SLC38A6: variants seen among roughly 807,000 people sequenced by gnomAD.
SLC38A6 encodes N system amino acid transporter NAT-1.
A neutral mutation model predicts 65.0 loss-of-function variants in SLC38A6; 73 were observed. The observed-to-expected ratio is 1.12, with a 90% CI of 0.93 to 1.37. The LOEUF is 1.37. Ranked by LOEUF, SLC38A6 falls within the 40% of genes most tolerant of loss-of-function variation. SLC38A6 has a pLI of 0.00. For synonymous variants in SLC38A6, 183 were observed against 178.8 expected (o/e 1.02, Z -0.19); for missense variants, 561 against 531.1 (o/e 1.06, Z -0.55).
rs556931021 is a variant in SLC38A6 at position 61,031,449 on chromosome 14, T to C, written c.482+926T>C. Among the ~76,000 whole-genome samples, 3 of 152,240 alleles carry C rather than the reference T, an allele frequency of 2.0e-5. No individual in the cohort carries two copies. The South Asian group carries it at 6.2e-4, about 32-fold the overall frequency. ...ACTTAGACAACTGCAAATACATATTTGTAAGAAAAGTGTGGTGTACTTTAG... is the reference window on the plus strand; with the variant it reads ...ACTTAGACAACTGCAAATACATATTCGTAAGAAAAGTGTGGTGTACTTTAG... On this transcript the variant is annotated intron_variant, in intron 6 of 15. Transcript: ENST00000267488.
chr14:61,075,872 TG>T, intron 15 of SLC38A6, among the ~76,000 whole-genome samples: 1 of 151,324 alleles, frequency 6.6e-6, no homozygotes, highest in South Asian at 2.1e-4. Context: ...CCTTTTTTTT[TG>T]AAACGGAGTT....
chr14:60,990,205 A>G (rs2037758019), intron 3 of SLC38A6, among the ~76,000 whole-genome samples: 1 of 152,090 alleles, frequency 6.6e-6, no homozygotes, highest in Non-Finnish European at 1.5e-5. Flanking sequence ...TAAGTTTTGT[A>G]TTTTTAGTAG....
chr14:61,051,913 A>T lies in SLC38A6; in HGVS notation c.1177A>T (p.Asn393Tyr). The T allele has an allele frequency of 6.2e-7, 1 of 1,610,668 alleles. No individual in the cohort carries two copies. The highest frequency in any genetic ancestry group is 1.1e-5 in the South Asian group (1 of 89,856). The stretch of plus-strand genomic sequence containing the variant: ...TGCAATATATGTTCCTGACATTAGA[A>T]ATGTATTTGGTGTAGTTGGTAAGTT... The part of the protein sequence containing the change: ...LLAIYVPDIR[N>Y]VFGVVGASTS... The change falls in exon 14 of 16, where the codon AAT becomes TAT. Residue 393 changes from asparagine to tyrosine, a missense_variant. Transcript: ENST00000267488.
intron 15 of SLC38A6, among the ~76,000 whole-genome samples, chr14:61,076,899 G>T (rs1001635209): frequency 3.9e-5 from 6 of 152,172 alleles, no homozygotes; most frequent in African/African-American, 1.4e-4. Context: ...AGAAAACTTG[G>T]ATGTCTTACG....
At chr14:61,039,456 C>T (rs1011621802) in intron 8 of SLC38A6, among the ~76,000 whole-genome samples, 5 of 151,720 alleles carry the variant, frequency 3.3e-5, no homozygotes, top group African/African-American at 1.2e-4. Flanking sequence ...CTGTGACTTA[C>T]ATCTCCTGGG....
At chr14:60,985,790 G>A (rs1382003705) in intron 3 of SLC38A6, among the ~76,000 whole-genome samples, 1 of 152,154 alleles carries the variant, frequency 6.6e-6, no homozygotes, top group African/African-American at 2.4e-5. Flanking sequence ...CTTATGAGGG[G>A]CTTTTCTGCT....
Position 61,037,150 on chromosome 14 carries a change from T to C in SLC38A6, c.565+9T>C, listed in dbSNP as rs1379273656. 2 of 1,564,286 alleles carry C rather than the reference T, an allele frequency of 1.3e-6. No homozygotes were observed. The highest frequency in any genetic ancestry group is 1.8e-5 in the Admixed American group (1 of 55,356). On this transcript the variant is annotated intron_variant, in intron 7 of 15. Coordinates refer to ENST00000267488, the MANE Select transcript of SLC38A6 (RefSeq NM_153811.3). Reference sequence around the variant, plus strand: ...ACTTCTTCCCAAAATAGGTAAGTCTTTATAGAGCACATTATTTGTTTAGAA... The same window carrying C: ...ACTTCTTCCCAAAATAGGTAAGTCTCTATAGAGCACATTATTTGTTTAGAA...
At position 61,014,454 on chromosome 14, in the gene SLC38A6, G is replaced by A. The variant is rs117716239; in HGVS notation, c.311-1450G>A. On this transcript the variant is annotated intron_variant, in intron 3 of 15. Transcript: ENST00000267488. ...AGCTGCTTTCCTTTGGAGGAACAGA[G>A]GTGCTCTGATTTTTAGAGTTTCCAG... Among the ~76,000 whole-genome samples the A allele has an allele frequency of 1.1e-4, 16 of 152,232 alleles. No individual in the cohort carries two copies. The East Asian group carries it at 2.9e-3, about 28-fold the overall frequency.
At chr14:61,004,299 T>A (rs771929660) in intron 3 of SLC38A6, 1 of 152,154 alleles carries the variant, frequency 6.6e-6, no homozygotes, top group Non-Finnish European at 1.5e-5. Flanking sequence ...CGGTTAGCCT[T>A]TTTGATGGGT....
intron 5 of SLC38A6, among the ~76,000 whole-genome samples, chr14:61,030,244 C>T (rs1169427860): frequency 1.4e-5 from 2 of 147,024 alleles, no homozygotes; most frequent in African/African-American, 5.1e-5. Flanking sequence ...AATTGTTATT[C>T]TTCTCTACAG....
intron 5 of SLC38A6, among the ~76,000 whole-genome samples, chr14:61,021,325 A>G (rs547601401): frequency 6.6e-6 from 1 of 152,204 alleles, no homozygotes; most frequent in East Asian, 1.9e-4. Context: ...CAGGTATTTG[A>G]AAGACTGAAC....
intron 15 of SLC38A6, among the ~76,000 whole-genome samples, chr14:61,067,980 A>G (rs2043086867): frequency 6.6e-6 from 1 of 152,160 alleles, no homozygotes; most frequent in Non-Finnish European, 1.5e-5. Flanking sequence ...CACCGCTATC[A>G]GTATTTCTCT....
chr14:61,041,349 A>G lies in SLC38A6; in HGVS notation c.625-1798A>G, dbSNP rs1246883319. On this transcript the variant is annotated intron_variant, in intron 8 of 15. Coordinates refer to ENST00000267488, the MANE Select transcript of SLC38A6 (RefSeq NM_153811.3). ...AGTTGGGATGGATCTTTGCAGAGAA[A>G]TTAGCTGTAGTAACTGAACTGTCTA... Among the ~76,000 whole-genome samples, 4 of 152,208 alleles carry G rather than the reference A, an allele frequency of 2.6e-5. No individual in the cohort carries two copies. The East Asian group carries it at 7.7e-4, about 29-fold the overall frequency.
At chr14:61,009,321 A>G (rs983942655) in intron 3 of SLC38A6, among the ~76,000 whole-genome samples, 3 of 152,180 alleles carry the variant, frequency 2.0e-5, no homozygotes, top group African/African-American at 4.8e-5. Flanking sequence ...AATTACATCA[A>G]TCTGCATGTT....
intron 15 of SLC38A6, among the ~76,000 whole-genome samples, chr14:61,077,203 A>G (rs757559903): frequency 2.0e-5 from 3 of 152,252 alleles, no homozygotes; most frequent in Non-Finnish European, 4.4e-5. Flanking sequence ...ATCAAAGACC[A>G]GTGAAAACTT....
chr14:60,982,499 TG>T lies in SLC38A6; in HGVS notation c.106-8del. On this transcript the variant is annotated splice_region_variant and splice_polypyrimidine_tract_variant and intron_variant, in intron 1 of 15. Coordinates refer to ENST00000267488, the MANE Select transcript of SLC38A6 (RefSeq NM_153811.3). The stretch of plus-strand genomic sequence containing the variant: ...AACATTTAACACTACTAAATTTGTG[TG>T]CTTACAGGAACTTCACAGACAGCGA... 1 of 1,601,976 alleles carries T rather than the reference TG, an allele frequency of 6.2e-7. No individual in the cohort carries two copies. The highest frequency in any genetic ancestry group is 8.5e-7 in the Non-Finnish European group (1 of 1,176,704).
intron 13 of SLC38A6, among the ~76,000 whole-genome samples, chr14:61,051,401 G>T (rs2042500494): frequency 6.6e-6 from 1 of 151,928 alleles, no homozygotes; most frequent in Non-Finnish European, 1.5e-5. Flanking sequence ...AATAGTAAGT[G>T]GTATTTCTTT....
In SLC38A6 at chr14:61,071,648, A is replaced by G. The variant is rs549681584; in HGVS notation, c.1291-7162A>G. Among the ~76,000 whole-genome samples, 5 of 152,068 alleles carry G rather than the reference A, an allele frequency of 3.3e-5. No individual in the cohort carries two copies. In the South Asian group the frequency reaches 1.0e-3, roughly 32 times the overall value. On this transcript the variant is annotated intron_variant, in intron 15 of 16. Coordinates refer to the SLC38A6 transcript ENST00000354886. The stretch of plus-strand genomic sequence containing the variant: ...CAGTGAGTTGTGATTGCTCTACTGC[A>G]CTGTAGCCTGGGTGACAGAGTAAAA...
chr14:60,986,237 A>C (rs2037440891), intron 3 of SLC38A6, among the ~76,000 whole-genome samples: 1 of 152,254 alleles, frequency 6.6e-6, no homozygotes, highest in African/African-American at 2.4e-5. Flanking sequence ...GTCCATCATC[A>C]GAAATACTCA....
Sources: gnomAD v4.1 joint callset for allele counts (sites outside exome capture counted in the v4.1 genomes callset) on GRCh38, gnomAD v4.1.1 for gene constraint, MANE v1.5 for transcripts, NCBI Gene and HGNC (gene_info 2026-07-23, HGNC 2026-07-21) for gene names.